DTNB: variants seen among roughly 807,000 people sequenced by gnomAD.
DTNB encodes the protein dystrobrevin beta.
In DTNB, 63 loss-of-function variants were observed where a neutral mutation model predicts 90.7. That is an observed-to-expected ratio of 0.69 (90% CI 0.57 to 0.86). DTNB has a LOEUF of 0.86. Among genes scored for constraint, DTNB ranks in the 40% least tolerant of loss-of-function variants. The pLI is 0.00. For missense variants in DTNB, 744 were observed against 807.1 expected (o/e 0.92, Z 0.95); for synonymous variants, 277 against 286.7 (o/e 0.97, Z 0.34).
chr2:25,549,388 G>C (rs1476489248), intron 8 of DTNB, among the ~76,000 whole-genome samples: 1 of 151,952 alleles, frequency 6.6e-6, no homozygotes, highest in Non-Finnish European at 1.5e-5. Context: ...TAGGTTTAAA[G>C]TTTATATTTT....
intron 8 of DTNB, among the ~76,000 whole-genome samples, chr2:25,545,140 GTC>G (rs1330638180): frequency 6.6e-6 from 1 of 152,086 alleles, no homozygotes; most frequent in Non-Finnish European, 1.5e-5. Context: ...CACTTGAACA[GTC>G]TCTAACTTTC....
At chr2:25,602,788 T>C (rs1007489365) in intron 5 of DTNB, among the ~76,000 whole-genome samples, 3 of 152,234 alleles carry the variant, frequency 2.0e-5, no homozygotes, top group Non-Finnish European at 2.9e-5. Context: ...GTATATTTCT[T>C]ATTTTCTATG....
At chr2:25,590,720 C>T (rs1471117128) in intron 6 of DTNB, among the ~76,000 whole-genome samples, 1 of 152,198 alleles carries the variant, frequency 6.6e-6, no homozygotes, top group Non-Finnish European at 1.5e-5. Context: ...GAAGCGCATG[C>T]TGACAGGTTC....
chr2:25,629,545 A>T (rs35170384), intron 3 of DTNB, among the ~76,000 whole-genome samples: 67,943 of 151,964 alleles, frequency 0.45, 16,402 homozygotes, highest in East Asian at 0.77. Flanking sequence ...GTCTAAAACA[A>T]AAGGACATAA....
At chr2:25,388,816 G>GTGTGTC (rs1049019545) in intron 16 of DTNB, among the ~76,000 whole-genome samples, 4 of 151,796 alleles carry the variant, frequency 2.6e-5, no homozygotes, top group African/African-American at 4.8e-5. Context: ...GTGTGTGTGT[G>GTGTGTC]TGTGTGTGTG....
intron 1 of DTNB, among the ~76,000 whole-genome samples, chr2:25,654,630 A>G (rs543032470): frequency 6.6e-6 from 1 of 152,380 alleles, no homozygotes; most frequent in South Asian, 2.1e-4. Context: ...TTCTTTAACT[A>G]GCCTTGAAAC....
At chr2:25,595,364 A>G (rs1356780723) in intron 6 of DTNB, among the ~76,000 whole-genome samples, 2 of 152,158 alleles carry the variant, frequency 1.3e-5, no homozygotes, top group Non-Finnish European at 2.9e-5. Flanking sequence ...TGTTTCCATT[A>G]ATTTTTTACC....
At chr2:25,441,764 G>T (rs1189067435) in intron 12 of DTNB, among the ~76,000 whole-genome samples, 5 of 151,830 alleles carry the variant, frequency 3.3e-5, no homozygotes, top group African/African-American at 9.7e-5. Flanking sequence ...TCAAAGCCAG[G>T]GTTGTTTTCA....
At chr2:25,626,183 C>T (rs2074114391) in intron 4 of DTNB, among the ~76,000 whole-genome samples, 1 of 152,156 alleles carries the variant, frequency 6.6e-6, no homozygotes, top group African/African-American at 2.4e-5. Context: ...TTAATCTCTG[C>T]TTGACCATTT....
intron 4 of DTNB, among the ~76,000 whole-genome samples, chr2:25,613,463 G>A (rs1358786661): frequency 6.6e-6 from 1 of 152,018 alleles, no homozygotes; most frequent in East Asian, 1.9e-4. Context: ...AGTACCCTAT[G>A]TTTAGCTCCC....
At chr2:25,610,089 G>A (rs1211123181) in intron 4 of DTNB, among the ~76,000 whole-genome samples, 1 of 152,116 alleles carries the variant, frequency 6.6e-6, no homozygotes, top group African/African-American at 2.4e-5. Context: ...GTCTGACTTA[G>A]GTGAACTATA....
intron 1 of DTNB, among the ~76,000 whole-genome samples, chr2:25,668,456 C>T: frequency 6.6e-6 from 1 of 152,140 alleles, no homozygotes; most frequent in Non-Finnish European, 1.5e-5. Context: ...CAAGTGAGCC[C>T]CTTGCAGGGT....
At chr2:25,558,051 A>C (rs192776538) in intron 8 of DTNB, 1 of 262,002 alleles carries the variant, frequency 3.8e-6, no homozygotes, top group African/African-American at 2.3e-5. Context: ...GAAAACATTC[A>C]GAAAGAAGGT....
intron 1 of DTNB, among the ~76,000 whole-genome samples, chr2:25,664,808 G>A (rs572034294): frequency 6.6e-6 from 1 of 152,282 alleles, no homozygotes; most frequent in African/African-American, 2.4e-5. Flanking sequence ...AAGTTGCAAA[G>A]CTAGGAATCT....
chr2:25,564,456 C>G (rs1166437685), intron 8 of DTNB, among the ~76,000 whole-genome samples: 1 of 152,140 alleles, frequency 6.6e-6, no homozygotes, highest in Admixed American at 6.5e-5. Context: ...TCTTGGCTAA[C>G]TGCAACCTCC....
chr2:25,650,916 G>C (rs1471347093), intron 2 of DTNB, among the ~76,000 whole-genome samples: 3 of 151,872 alleles, frequency 2.0e-5, no homozygotes, highest in African/African-American at 7.3e-5. Context: ...AGCCGAGATG[G>C]CGCCACTGCA....
intron 1 of DTNB, among the ~76,000 whole-genome samples, chr2:25,660,607 GA>G (rs924607683): frequency 6.6e-6 from 1 of 152,060 alleles, no homozygotes; most frequent in Admixed American, 6.5e-5. Context: ...AAGTTAAACA[GA>G]AAAAAGATAT....
chr2:25,572,421 C>A (rs1338517298), intron 8 of DTNB, among the ~76,000 whole-genome samples: 2 of 150,830 alleles, frequency 1.3e-5, no homozygotes, highest in African/African-American at 4.9e-5. Flanking sequence ...TAGCCGAGAT[C>A]GCGCCACTGC....
At chr2:25,583,662 C>T (rs188325967) in intron 6 of DTNB, among the ~76,000 whole-genome samples, 1 of 152,168 alleles carries the variant, frequency 6.6e-6, no homozygotes, top group African/African-American at 2.4e-5. Context: ...GCTGGGATTA[C>T]AGGCATGCGC....
Sources: gnomAD v4.1 joint callset for allele counts (sites outside exome capture counted in the v4.1 genomes callset) on GRCh38, gnomAD v4.1.1 for gene constraint, MANE v1.5 for transcripts, NCBI Gene and HGNC (gene_info 2026-07-23, HGNC 2026-07-21) for gene names.